Variants in MAN1A2 observed in about 807,000 individuals in gnomAD.
MAN1A2 encodes the protein mannosidase alpha class 1A member 2, also known as mannosyl-oligosaccharide 1,2-alpha-mannosidase IB.
A neutral mutation model predicts 75.7 loss-of-function variants in MAN1A2; 26 were observed. The ratio of observed to expected loss-of-function variants is 0.34; its 90% confidence interval spans 0.25 to 0.48. The LOEUF (loss-of-function observed/expected upper bound fraction) is 0.48, where lower values mean the gene tolerates loss of function less well. MAN1A2 is among the 20% of genes least tolerant of loss of function. MAN1A2 has a pLI of 0.99. For synonymous variants in MAN1A2, 247 were observed against 264.6 expected, an observed-to-expected ratio of 0.93 and a Z score of 0.65; for missense variants, 562 against 775.5, an observed-to-expected ratio of 0.72 and a Z score of 3.27.
intron 12 of MAN1A2, among the ~76,000 whole-genome samples, chr1:117,509,381 TG>T (rs2101887914): frequency 6.6e-6 from 1 of 152,032 alleles, no homozygotes; most frequent in Admixed American, 6.6e-5. Context: ...GTTCTGGTGT[TG>T]GCAAGGATGT....
chr1:117,466,577 G>C, intron 8 of MAN1A2, 150 bp downstream of exon 8: 1 of 506,866 alleles, frequency 2.0e-6, no homozygotes, highest in Non-Finnish European at 3.5e-6. Flanking sequence ...GCATGTTTCT[G>C]ATCTCTCTTA....
intron 5 of MAN1A2, among the ~76,000 whole-genome samples, chr1:117,423,667 A>G (rs1648267247): frequency 6.6e-6 from 1 of 152,046 alleles, no homozygotes; most frequent in African/African-American, 2.4e-5. Context: ...TTGATTTTTA[A>G]AAAACCTTTA....
chr1:117,443,532 C>G (rs1453088304), intron 6 of MAN1A2, among the ~76,000 whole-genome samples: 1 of 151,966 alleles, frequency 6.6e-6, no homozygotes, highest in Non-Finnish European at 1.5e-5. Flanking sequence ...AAACTTAATT[C>G]CGATAGGAAG....
intron 8 of MAN1A2, among the ~76,000 whole-genome samples, chr1:117,485,440 A>G (rs1650640382): frequency 6.6e-6 from 1 of 151,954 alleles, no homozygotes; most frequent in African/African-American, 2.4e-5. Flanking sequence ...ATAATAATAA[A>G]AAGATTTGAA....
chr1:117,390,369 T>A (rs530959957), intron 1 of MAN1A2, among the ~76,000 whole-genome samples: 3 of 151,860 alleles, frequency 2.0e-5, no homozygotes, highest in African/African-American at 7.2e-5. Context: ...TTTTTTTTTT[T>A]AAACAAGGAA....
At chr1:117,410,762 T>A (rs995247252) in intron 3 of MAN1A2, among the ~76,000 whole-genome samples, 1 of 151,640 alleles carries the variant, frequency 6.6e-6, no homozygotes, top group South Asian at 2.1e-4. Context: ...AGTAATGTTA[T>A]AGGATACAAG....
intron 7 of MAN1A2, among the ~76,000 whole-genome samples, chr1:117,464,050 G>A (rs1453312769): frequency 6.6e-6 from 1 of 152,064 alleles, no homozygotes; most frequent in Non-Finnish European, 1.5e-5. Context: ...TAAATCATAG[G>A]AATTAACCTA....
chr1:117,403,996 C>T (rs1290206057), intron 2 of MAN1A2, among the ~76,000 whole-genome samples: 1 of 152,126 alleles, frequency 6.6e-6, no homozygotes, highest in Non-Finnish European at 1.5e-5. Context: ...TGAATTTTGT[C>T]AGATGCATTG....
chr1:117,479,094 A>G (rs1414871879), intron 8 of MAN1A2, among the ~76,000 whole-genome samples: 1 of 151,630 alleles, frequency 6.6e-6, no homozygotes, highest in Non-Finnish European at 1.5e-5. Context: ...ACCTCCAAAC[A>G]GGCCCCAGTG....
intron 5 of MAN1A2, among the ~76,000 whole-genome samples, chr1:117,432,545 A>G (rs959418985): frequency 6.6e-6 from 1 of 152,248 alleles, no homozygotes; most frequent in Non-Finnish European, 1.5e-5. Context: ...CAAATTTTCT[A>G]AAACAATCTT....
chr1:117,442,081 A>C, intron 5 of MAN1A2, 150 bp from the exon 6 acceptor site: 2 of 446,242 alleles, frequency 4.5e-6, no homozygotes, highest in Non-Finnish European at 7.9e-6. Flanking sequence ...TCTGATTGCC[A>C]AATGCTGCCT....
At chr1:117,488,063 T>C (rs1377994247) in intron 8 of MAN1A2, among the ~76,000 whole-genome samples, 1 of 152,096 alleles carries the variant, frequency 6.6e-6, no homozygotes, top group Non-Finnish European at 1.5e-5. Flanking sequence ...CATCTTATTA[T>C]TGCCCTGTCT....
intron 1 of MAN1A2, among the ~76,000 whole-genome samples, chr1:117,381,735 G>A (rs1653347253): frequency 6.6e-6 from 1 of 151,828 alleles, no homozygotes; most frequent in Non-Finnish European, 1.5e-5. Context: ...GGTATTTCTA[G>A]TTCTAGATCC....
intron 3 of MAN1A2, among the ~76,000 whole-genome samples, chr1:117,409,782 A>T (rs1299375613): frequency 2.0e-5 from 3 of 152,086 alleles, no homozygotes; most frequent in Non-Finnish European, 4.4e-5. Flanking sequence ...TAGGAGCACC[A>T]CTAAAGTCCT....
intron 12 of MAN1A2, among the ~76,000 whole-genome samples, chr1:117,506,943 C>T (rs1258513071): frequency 6.6e-6 from 1 of 151,538 alleles, no homozygotes; most frequent in African/African-American, 2.4e-5. Flanking sequence ...AACCTGACTA[C>T]AGTTTCTAAT....
At position 117,368,427 on chromosome 1, in the gene MAN1A2, A is replaced by G; in HGVS notation, c.244A>G (p.Lys82Glu). ...DVLIPHVDAG[K>E]GAKNPGVFLI... is the part of the protein sequence containing the mutation. ...GTTAATTCCACATGTAGATGCCGGT[A>G]AAGGGGCTAAAAACCCCGGAGTCTT... The change falls in exon 1 of 13, where the codon AAA becomes GAA. Residue 82 changes from lysine to glutamate, a missense_variant. Around this residue, in one of 2 missense-constraint regions of MAN1A2, gnomAD observed 128 missense variants for 129.8 expected, o/e 0.99. Transcript: ENST00000356554. 1.2e-6 allele frequency: 2 copies of G among 1,614,000 alleles called. No homozygotes were observed. The highest frequency in any genetic ancestry group is 8.5e-7 in the Non-Finnish European group (1 of 1,179,984).
At position 117,402,192 on chromosome 1, in the gene MAN1A2, G is replaced by T. The variant is rs1356623052; in HGVS notation, c.309G>T (p.Glu103Asp). 1.2e-6 allele frequency: 2 copies of T among 1,607,938 alleles called. No homozygotes were observed. Among genetic ancestry groups the T allele is most frequent in the Non-Finnish European group, 1.7e-6 (2 of 1,178,080 alleles). Residue 103 changes from glutamate (E) to aspartate (D), a missense_variant, in exon 2 of 13, where the codon GAG becomes GAT. By Grantham distance (45) the Glu-to-Asp change is conservative. Around this residue, in one of 2 missense-constraint regions of MAN1A2, gnomAD observed 128 missense variants for 129.8 expected, o/e 0.99. Coordinates refer to ENST00000356554, the MANE Select transcript of MAN1A2 (RefSeq NM_006699.5). ...TTTCCTTCTTTTCTCACAGGGAAGA[G>T]GAAGAACGTCTGAGAAATAAAATTC... ...HGPDEHRHRE[E>D]EERLRNKIRA...
intron 6 of MAN1A2, among the ~76,000 whole-genome samples, chr1:117,451,645 C>A (rs1410577046): frequency 6.6e-6 from 1 of 152,204 alleles, no homozygotes; most frequent in Non-Finnish European, 1.5e-5. Context: ...CTCACGAGAT[C>A]TGATGGTTTT....
rs1247998615 is a variant in MAN1A2 at position 117,465,536 on chromosome 1, G to C, written c.1075-798G>C. 2.0e-5 allele frequency among the ~76,000 whole-genome samples: 3 copies of C among 152,118 alleles called. No individual in the cohort carries two copies. The East Asian group carries it at 5.8e-4, about 29-fold the overall frequency. On this transcript the variant is annotated intron_variant, in intron 7 of 12. Coordinates refer to ENST00000356554, the MANE Select transcript of MAN1A2 (RefSeq NM_006699.5). ...AGAATTGATATTGTACTCAGGTCCA[G>C]AAAAGTGAAGTATATATCAGGTCCT... is the stretch of plus-strand genomic sequence containing the variant.
Sources: allele counts gnomAD v4.1 joint callset (sites outside exome capture counted in the v4.1 genomes callset), GRCh38; gene constraint gnomAD v4.1.1; regional missense constraint gnomAD v4.1.1; transcripts MANE v1.5; gene names NCBI Gene and HGNC (gene_info 2026-07-23, HGNC 2026-07-21).